CPNE4: variants seen among roughly 807,000 people sequenced by gnomAD.
CPNE4 encodes the protein copine-4.
In CPNE4, 25 loss-of-function variants were observed where a neutral mutation model predicts 67.9. The ratio of observed to expected loss-of-function variants is 0.37; its 90% CI spans 0.27 to 0.51. CPNE4 has a LOEUF of 0.51. CPNE4 is among the 20% of genes least tolerant of loss of function. The pLI is 0.93. For missense variants in CPNE4, 464 were observed against 690.8 expected, an observed-to-expected ratio of 0.67 and a Z score of 3.68; for synonymous variants, 242 against 244.9, an observed-to-expected ratio of 0.99 and a Z score of 0.11.
intron 5 of CPNE4, among the ~76,000 whole-genome samples, chr3:131,693,142 G>A (rs1284223177): frequency 2.6e-5 from 4 of 152,240 alleles, no homozygotes; most frequent in Non-Finnish European, 4.4e-5. Context: ...AAAAATGACT[G>A]TTTCTGTCAA....
At chr3:131,822,145 G>A (rs1583269159) in intron 2 of CPNE4, among the ~76,000 whole-genome samples, 1 of 152,094 alleles carries the variant, frequency 6.6e-6, no homozygotes, top group Admixed American at 6.5e-5. Context: ...CTAACGCAAG[G>A]GCCAACTGTG....
chr3:131,949,638 A>T (rs2071661388), intron 1 of CPNE4, among the ~76,000 whole-genome samples: 1 of 152,186 alleles, frequency 6.6e-6, no homozygotes, highest in East Asian at 1.9e-4. Flanking sequence ...TAATAAATTC[A>T]ATAAGTTCTA....
At chr3:131,839,270 A>G (rs1023321517) in intron 2 of CPNE4, among the ~76,000 whole-genome samples, 3 of 151,910 alleles carry the variant, frequency 2.0e-5, no homozygotes, top group Non-Finnish European at 2.9e-5. Context: ...ATTATAGAGA[A>G]TAAGTCAAAA....
intron 1 of CPNE4, among the ~76,000 whole-genome samples, chr3:132,018,036 C>T (rs1302978038): frequency 6.6e-6 from 1 of 152,126 alleles, no homozygotes; most frequent in Admixed American, 6.5e-5. Flanking sequence ...AGGTTGGATG[C>T]CCAAATCTTG....
intron 1 of CPNE4, among the ~76,000 whole-genome samples, chr3:131,943,604 T>A (rs2071463916): frequency 6.6e-6 from 1 of 152,284 alleles, no homozygotes; most frequent in East Asian, 1.9e-4. Flanking sequence ...TTTGCATTAA[T>A]TCTGTTCTTC....
At chr3:131,879,415 T>G (rs2087581644) in intron 2 of CPNE4, among the ~76,000 whole-genome samples, 2 of 152,344 alleles carry the variant, frequency 1.3e-5, no homozygotes, top group Admixed American at 1.3e-4. Flanking sequence ...TAACATACTC[T>G]ATCTTCTATG....
intron 1 of CPNE4, among the ~76,000 whole-genome samples, chr3:131,996,285 G>A (rs2073291145): frequency 6.6e-6 from 1 of 152,136 alleles, no homozygotes; most frequent in African/African-American, 2.4e-5. Flanking sequence ...GATTGTGGAA[G>A]AACATGGAGA....
intron 2 of CPNE4, among the ~76,000 whole-genome samples, chr3:131,735,167 TA>T (rs994744969): frequency 2.0e-5 from 3 of 152,018 alleles, no homozygotes; most frequent in Admixed American, 6.5e-5. Context: ...AACAAAATTC[TA>T]AAAAAACAGT....
At chr3:131,876,504 T>TACA (rs1363176796) in intron 2 of CPNE4, among the ~76,000 whole-genome samples, 1 of 150,518 alleles carries the variant, frequency 6.6e-6, no homozygotes, top group Non-Finnish European at 1.5e-5. Context: ...TAGCCAGATG[T>TACA]GGTGGCGGGC....
chr3:131,687,390 G>GAATA (rs2080918557), intron 5 of CPNE4, among the ~76,000 whole-genome samples: 1 of 152,124 alleles, frequency 6.6e-6, no homozygotes, highest in Admixed American at 6.6e-5. Flanking sequence ...TTGAATGAAT[G>GAATA]AATAAATACA....
intron 7 of CPNE4, among the ~76,000 whole-genome samples, chr3:131,609,120 A>G (rs1468316760): frequency 2.0e-5 from 3 of 152,128 alleles, no homozygotes; most frequent in Non-Finnish European, 4.4e-5. Flanking sequence ...AGTTGGGATC[A>G]TATGTTTTCA....
rs541891645 is a variant in CPNE4, at chr3:131,743,918, G to A, written c.181-20293C>T. ...GCGGAGCTTGCAGTGAGCCGAGATC[G>A]CGCCACTGCACTCCAGCCTGGGCGA... On this transcript the variant is annotated intron_variant, in intron 2 of 15. Transcript: ENST00000429747. 2.8e-4 allele frequency among the ~76,000 whole-genome samples: 32 copies of A among 115,822 alleles called. 1 individual carries two copies. The East Asian group carries it at 6.6e-3, about 24-fold the overall frequency. 76.0% of individuals were successfully genotyped at this position (115,822 alleles called of 152,430 possible).
At chr3:131,745,807 A>C (rs2107788016) in intron 2 of CPNE4, among the ~76,000 whole-genome samples, 1 of 152,206 alleles carries the variant, frequency 6.6e-6, no homozygotes, top group East Asian at 1.9e-4. Flanking sequence ...GCTATATGGT[A>C]ATTCTTGAGA....
intron 1 of CPNE4, among the ~76,000 whole-genome samples, chr3:131,958,816 G>A (rs1052389781): frequency 2.0e-5 from 3 of 150,772 alleles, no homozygotes; most frequent in African/African-American, 4.9e-5. Context: ...CCGCCACCAC[G>A]CCCAGCTAAT....
chr3:131,880,497 C>T (rs1276747527), intron 2 of CPNE4, among the ~76,000 whole-genome samples: 1 of 152,156 alleles, frequency 6.6e-6, no homozygotes. Context: ...TGATGACTTT[C>T]CCCAAATCAC....
chr3:131,958,810 C>A (rs2072068387), intron 1 of CPNE4, among the ~76,000 whole-genome samples: 1 of 151,024 alleles, frequency 6.6e-6, no homozygotes, highest in African/African-American at 2.4e-5. Context: ...GGGTGCCCGC[C>A]ACCACGCCCA....
At chr3:131,675,317 A>G (rs976438098) in intron 6 of CPNE4, among the ~76,000 whole-genome samples, 1 of 152,142 alleles carries the variant, frequency 6.6e-6, no homozygotes, top group Non-Finnish European at 1.5e-5. Flanking sequence ...GTAAATATCT[A>G]TTAGGTCCAT....
chr3:131,688,893 A>G (rs1396278476), intron 5 of CPNE4, among the ~76,000 whole-genome samples: 1 of 152,214 alleles, frequency 6.6e-6, no homozygotes, highest in African/African-American at 2.4e-5. Flanking sequence ...ATCATGATCT[A>G]TGTACAATTT....
chr3:131,794,403 C>A (rs2083864108), intron 2 of CPNE4, among the ~76,000 whole-genome samples: 1 of 152,080 alleles, frequency 6.6e-6, no homozygotes, highest in Admixed American at 6.5e-5. Flanking sequence ...CATCACCATG[C>A]CCAGCTAATT....
Sources: gnomAD v4.1 joint callset for allele counts (sites outside exome capture counted in the v4.1 genomes callset) on GRCh38, gnomAD v4.1.1 for gene constraint, MANE v1.5 for transcripts, NCBI Gene and HGNC (gene_info 2026-07-23, HGNC 2026-07-21) for gene names.